Variants in CHD9 observed in about 807,000 individuals in gnomAD.
CHD9 encodes the protein ATP-dependent chromatin remodeler CHD9.
A neutral mutation model predicts 316.1 loss-of-function variants in CHD9; 77 were observed. The observed-to-expected ratio is 0.24, with a 90% CI of 0.20 to 0.29. The LOEUF (loss-of-function observed/expected upper bound fraction) is 0.29. Among genes scored for constraint, CHD9 ranks in the 10% least tolerant of loss-of-function variants. The pLI is 1.00. For missense variants in CHD9, 2,763 were observed against 3,438.1 expected (o/e 0.80, Z 4.91); for synonymous variants, 1,129 against 1,158.3 (o/e 0.97, Z 0.51).
chr16:53,095,043 A>G (rs2036265681), intron 1 of CHD9, among the ~76,000 whole-genome samples: 1 of 152,034 alleles, frequency 6.6e-6, no homozygotes, highest in South Asian at 2.1e-4. Flanking sequence ...GCATCTGGTA[A>G]TTTGTTATTT....
intron 1 of CHD9, among the ~76,000 whole-genome samples, chr16:53,087,676 A>G (rs1178775648): frequency 6.6e-6 from 1 of 152,208 alleles, no homozygotes; most frequent in African/African-American, 2.4e-5. Context: ...GACTGGACAC[A>G]GTGGCTCATG....
intron 1 of CHD9, among the ~76,000 whole-genome samples, chr16:53,143,710 C>T (rs1226122380): frequency 6.6e-6 from 1 of 152,078 alleles, no homozygotes; most frequent in Non-Finnish European, 1.5e-5. Context: ...ATATATTTTA[C>T]GTTAATAAAA....
chr16:53,080,340 G>A (rs538316798), intron 1 of CHD9, among the ~76,000 whole-genome samples: 3 of 152,244 alleles, frequency 2.0e-5, no homozygotes, highest in East Asian at 1.9e-4. Flanking sequence ...AGAGGCATAC[G>A]CAAGGTGCGG....
rs759639418 is a variant in CHD9 at position 53,245,571 on chromosome 16, G to A, written c.3199-24G>A. On this transcript the variant is annotated intron_variant, in intron 14 of 38. Transcript: ENST00000447540. The surrounding 1 kb of genome is among the most constrained non-coding windows in gnomAD (Gnocchi z 4.1). ...AATTAAATGCTCACTTATGTTATAT[G>A]TCTTTTTATCATTTTTTATTCAGGT... 1.9e-6 allele frequency: 3 copies of A among 1,539,070 alleles called. No individual in the cohort carries two copies. Among genetic ancestry groups the A allele is most frequent in the South Asian group, 2.6e-5 (2 of 77,482 alleles).
rs1446104205 is a variant in CHD9, at chr16:53,303,957, A to G, written c.5951A>G (p.Tyr1984Cys). 4 of 1,613,912 alleles carry G rather than the reference A, an allele frequency of 2.5e-6. No individual in the cohort carries two copies. The highest frequency in any genetic ancestry group is 1.7e-5 in the Admixed American group (1 of 60,008). Residue 1984 changes from tyrosine to cysteine, a missense_variant, in exon 31 of 39, where the codon TAT becomes TGT. This residue lies in a region of CHD9 where 663 missense variants were observed against 751.2 expected (regional missense o/e 0.88). Transcript: ENST00000447540. The stretch of plus-strand genomic sequence containing the variant: ...AAACACGGGGTGAGCCGAACAGACT[A>G]TCACATTCTTCGTGATCCTGAACTC... The part of the protein sequence containing the change: ...AAKHGVSRTD[Y>C]HILRDPELSF...
rs374898064 is a variant in CHD9 at position 53,098,948 on chromosome 16, C to T, written c.-165+43871C>T. Among the ~76,000 whole-genome samples the T allele has an allele frequency of 3.9e-5, 6 of 152,134 alleles. No homozygotes were observed. The South Asian group carries it at 6.2e-4, about 16-fold the overall frequency. On this transcript the variant is annotated intron_variant, in intron 1 of 38. Coordinates refer to ENST00000447540, the MANE Select transcript of CHD9 (RefSeq NM_001308319.2). ...AATTATAGCTTTCCTCTATAGTGTA[C>T]GGGGCAGGAGGCTGATTTAATAAAG...
chr16:53,215,533 A>G (rs1278649500), intron 3 of CHD9, among the ~76,000 whole-genome samples: 3 of 151,926 alleles, frequency 2.0e-5, no homozygotes, highest in Non-Finnish European at 2.9e-5. Context: ...GAGCGTGTGT[A>G]TGTGTGTGTG....
At chr16:53,088,489 A>G (rs1221201033) in intron 1 of CHD9, among the ~76,000 whole-genome samples, 2 of 151,808 alleles carry the variant, frequency 1.3e-5, no homozygotes, top group Admixed American at 1.3e-4. Flanking sequence ...TGTGTTAGCC[A>G]GGATGGTCTC....
At chr16:53,145,123 TGGGCACA>T (rs545983012) in intron 1 of CHD9, among the ~76,000 whole-genome samples, 64 of 151,970 alleles carry the variant, frequency 4.2e-4, no homozygotes, top group African/African-American at 1.5e-3. Context: ...CTAAGCAGCC[TGGGCACA>T]GTGGCTTACT....
At chr16:53,127,649 A>G (rs984055982) in intron 1 of CHD9, among the ~76,000 whole-genome samples, 1 of 152,080 alleles carries the variant, frequency 6.6e-6, no homozygotes, top group Non-Finnish European at 1.5e-5. Context: ...CAACGGGCAC[A>G]GTGGCTCACA....
At chr16:53,182,218 A>G (rs1366879590) in intron 2 of CHD9, among the ~76,000 whole-genome samples, 1 of 152,120 alleles carries the variant, frequency 6.6e-6, no homozygotes, top group Non-Finnish European at 1.5e-5. Flanking sequence ...TTTTTGAGAC[A>G]GGGTCTTACC....
chr16:53,176,879 G>T (rs1313167776), intron 2 of CHD9, among the ~76,000 whole-genome samples: 1 of 152,160 alleles, frequency 6.6e-6, no homozygotes, highest in Non-Finnish European at 1.5e-5. Flanking sequence ...GCATTGTACT[G>T]AGTACTTTTT....
intron 26 of CHD9, among the ~76,000 whole-genome samples, chr16:53,287,533 GC>G: frequency 1.3e-5 from 2 of 152,292 alleles, no homozygotes; most frequent in African/African-American, 4.8e-5. Flanking sequence ...TTCGAGACCA[GC>G]CTGGCCAACA....
In CHD9 at chr16:53,304,296, A is replaced by G. The variant is rs1306586676; in HGVS notation, c.6290A>G (p.Lys2097Arg). 7 of 1,611,864 alleles carry G rather than the reference A, an allele frequency of 4.3e-6. No individual in the cohort carries two copies. In the South Asian group the frequency reaches 6.6e-5, roughly 15 times the overall value. ...ACTGGAGACCAGAAATCTGGTGGAA[A>G]ATGTGAAACAGACAGACGCATGGTT... Reference protein sequence around the residue: ...QATGDQKSGGKCETDRRMVAA... With the variant: ...QATGDQKSGGRCETDRRMVAA... The change falls in exon 31 of 39, where the codon AAA becomes AGA. Residue 2097 changes from lysine to arginine, a missense_variant. By Grantham distance (26) the Lys-to-Arg change is conservative. Coordinates refer to ENST00000447540, the MANE Select transcript of CHD9 (RefSeq NM_001308319.2).
chr16:53,308,979 A>AGGCTT, intron 34 of CHD9, 125 bp downstream of exon 34: 1 of 654,254 alleles, frequency 1.5e-6, no homozygotes, highest in Non-Finnish European at 2.4e-6. Flanking sequence ...CCTATAAAGT[A>AGGCTT]ATCAATAGAA....
chr16:53,154,395 T>A (rs761367719), intron 1 of CHD9, among the ~76,000 whole-genome samples: 10 of 152,204 alleles, frequency 6.6e-5, no homozygotes, highest in African/African-American at 2.4e-4. Context: ...GTATCAAGTA[T>A]GTAGGATAGG....
intron 2 of CHD9, among the ~76,000 whole-genome samples, chr16:53,198,831 G>A (rs866077190): frequency 3.3e-5 from 5 of 152,198 alleles, no homozygotes; most frequent in Middle Eastern, 6.8e-3. Context: ...GAATGGGAAC[G>A]CCTAGGATAT....
intron 2 of CHD9, among the ~76,000 whole-genome samples, chr16:53,204,974 A>G (rs1311938467): frequency 1.3e-5 from 2 of 151,838 alleles, no homozygotes; most frequent in African/African-American, 4.8e-5. Context: ...CCCCTGAGTA[A>G]CTGGGATTAG....
At chr16:53,200,065 G>A (rs1461218112) in intron 2 of CHD9, among the ~76,000 whole-genome samples, 1 of 151,076 alleles carries the variant, frequency 6.6e-6, no homozygotes, top group East Asian at 1.9e-4. Flanking sequence ...GCAAAACCCT[G>A]TCTCTACTAA....
Sources: gnomAD v4.1 joint callset for allele counts (sites outside exome capture counted in the v4.1 genomes callset) on GRCh38, gnomAD v4.1.1 for gene constraint, gnomAD v4.1.1 regional missense constraint, Gnocchi (gnomAD v3.1) non-coding constraint, MANE v1.5 for transcripts, NCBI Gene and HGNC (gene_info 2026-07-23, HGNC 2026-07-21) for gene names.